The following SORCS3 variants were observed in gnomAD, a reference collection of about 807,000 sequenced individuals.
The protein encoded by SORCS3 is sortilin related VPS10 domain containing receptor 3.
A neutral mutation model predicts 146.3 loss-of-function variants in SORCS3; 57 were observed. The observed-to-expected ratio is 0.39, with a 90% CI of 0.31 to 0.49. SORCS3 has a LOEUF of 0.49. Among genes scored for constraint, SORCS3 ranks in the 20% least tolerant of loss-of-function variants. The pLI, the probability that SORCS3 is intolerant of heterozygous loss-of-function variation, is 0.92. For synonymous variants in SORCS3, 653 were observed against 618.5 expected (o/e 1.06, Z -0.83); for missense variants, 1,341 against 1,575.5 (o/e 0.85, Z 2.52).
chr10:105,252,645 G>A, intron 22 of SORCS3, 130 bp from the exon 23 acceptor site: 1 of 1,081,630 alleles, frequency 9.2e-7, no homozygotes, highest in South Asian at 1.4e-5. Flanking sequence ...ATGTATATTG[G>A]AGCCTGTGCC....
intron 2 of SORCS3, among the ~76,000 whole-genome samples, chr10:104,884,151 A>G (rs1201570943): frequency 6.6e-6 from 1 of 152,244 alleles, no homozygotes; most frequent in Admixed American, 6.5e-5. Context: ...ACTTCTTGGC[A>G]GGCCAAGTCA....
At chr10:105,110,593 G>A in intron 7 of SORCS3, among the ~76,000 whole-genome samples, 1 of 152,010 alleles carries the variant, frequency 6.6e-6, no homozygotes, top group East Asian at 1.9e-4. Flanking sequence ...TCTCACTGAG[G>A]TTCTGTATGA....
At chr10:104,761,787 C>T (rs927291447) in intron 1 of SORCS3, among the ~76,000 whole-genome samples, 1 of 152,040 alleles carries the variant, frequency 6.6e-6, no homozygotes, top group Non-Finnish European at 1.5e-5. Flanking sequence ...TTAGGTACTG[C>T]CTGTAAAGCG....
intron 1 of SORCS3, among the ~76,000 whole-genome samples, chr10:104,832,830 A>G (rs1469997916): frequency 6.6e-6 from 1 of 152,228 alleles, no homozygotes; most frequent in Non-Finnish European, 1.5e-5. Context: ...CAGAGCCCCA[A>G]GTTGTGGGGA....
chr10:105,109,050 A>G (rs1486765937), intron 7 of SORCS3, among the ~76,000 whole-genome samples: 1 of 152,094 alleles, frequency 6.6e-6, no homozygotes, highest in Non-Finnish European at 1.5e-5. Context: ...GAGTATTTGT[A>G]TTTTTGTTCT....
intron 1 of SORCS3, among the ~76,000 whole-genome samples, chr10:104,722,930 C>G (rs1384194886): frequency 6.6e-6 from 1 of 152,168 alleles, no homozygotes; most frequent in Non-Finnish European, 1.5e-5. Context: ...AAAAAACCAG[C>G]TCCTGTATTC....
chr10:104,959,362 C>T (rs1564722547), intron 3 of SORCS3, among the ~76,000 whole-genome samples: 2 of 152,040 alleles, frequency 1.3e-5, no homozygotes, highest in Non-Finnish European at 2.9e-5. Context: ...GGGAAGAGCC[C>T]TCATGAATGG....
chr10:105,018,884 T>A (rs1281914876), intron 4 of SORCS3, among the ~76,000 whole-genome samples: 1 of 152,200 alleles, frequency 6.6e-6, no homozygotes, highest in Non-Finnish European at 1.5e-5. Flanking sequence ...CCACATCATC[T>A]GCCAAACTCC....
intron 1 of SORCS3, among the ~76,000 whole-genome samples, chr10:104,739,698 C>G (rs2016818204): frequency 6.6e-6 from 1 of 152,164 alleles, no homozygotes; most frequent in South Asian, 2.1e-4. Flanking sequence ...TCTGAAGATC[C>G]CCAGCATGTC....
intron 3 of SORCS3, among the ~76,000 whole-genome samples, chr10:104,945,571 T>C (rs2019362173): frequency 6.6e-6 from 1 of 151,646 alleles, no homozygotes; most frequent in Admixed American, 6.6e-5. Context: ...ATGTTCTTTT[T>C]TTTTTTTTTT....
chr10:105,179,324 A>C (rs12240703), intron 14 of SORCS3, among the ~76,000 whole-genome samples: 36,604 of 152,012 alleles, frequency 0.24, 4,454 homozygotes, highest in East Asian at 0.33. Context: ...TTTTTTTCTC[A>C]GCTTCAGATG....
chr10:104,764,517 C>G lies in SORCS3; in HGVS notation c.628-78275C>G, dbSNP rs561245302. The stretch of plus-strand genomic sequence containing the variant: ...AGAAAAGATTTACAAACCATTAAAA[C>G]TAATAAGAATTTTATGCTTTACACA... On this transcript the variant is annotated intron_variant, in intron 1 of 26. Transcript: ENST00000369701. 7.2e-5 allele frequency among the ~76,000 whole-genome samples: 11 copies of G among 152,300 alleles called. No individual in the cohort carries two copies. In the South Asian group the frequency reaches 2.3e-3, roughly 32 times the overall value.
intron 4 of SORCS3, among the ~76,000 whole-genome samples, chr10:105,009,298 G>T (rs1424932439): frequency 6.6e-6 from 1 of 152,078 alleles, no homozygotes. Context: ...GTGGTAGAAA[G>T]AATTCAAGAA....
At chr10:104,837,681 G>A (rs545723335) in intron 1 of SORCS3, among the ~76,000 whole-genome samples, 1 of 152,230 alleles carries the variant, frequency 6.6e-6, no homozygotes, top group Admixed American at 6.5e-5. Flanking sequence ...TTACCCCTGG[G>A]CCTTGAGCTC....
chr10:105,241,887 A>G (rs2056825556), intron 20 of SORCS3, among the ~76,000 whole-genome samples: 1 of 152,160 alleles, frequency 6.6e-6, no homozygotes, highest in South Asian at 2.1e-4. Context: ...AGTGTAGAAA[A>G]CCAACTAGGA....
chr10:104,914,754 G>A (rs543426488), intron 2 of SORCS3, among the ~76,000 whole-genome samples: 1 of 152,222 alleles, frequency 6.6e-6, no homozygotes, highest in Non-Finnish European at 1.5e-5. Context: ...GCAAAGGCTG[G>A]GGGTGGTGGT....
chr10:104,977,246 A>G, intron 3 of SORCS3, 89 bp from the exon 4 acceptor site: 1 of 1,117,292 alleles, frequency 9.0e-7, no homozygotes, highest in East Asian at 2.7e-5. Context: ...ATGGTGTACA[A>G]ATACAGATGA....
chr10:104,886,520 A>G (rs551276899), intron 2 of SORCS3, among the ~76,000 whole-genome samples: 2 of 152,050 alleles, frequency 1.3e-5, no homozygotes, highest in East Asian at 3.9e-4. Context: ...ATTACGTAAA[A>G]TATATACAGT....
At chr10:104,982,315 G>A (rs2054935795) in intron 4 of SORCS3, among the ~76,000 whole-genome samples, 1 of 152,192 alleles carries the variant, frequency 6.6e-6, no homozygotes, top group African/African-American at 2.4e-5. Flanking sequence ...CTTCTGGAAT[G>A]CTGGATCCAA....
Sources: allele counts gnomAD v4.1 joint callset (sites outside exome capture counted in the v4.1 genomes callset), GRCh38; gene constraint gnomAD v4.1.1; transcripts MANE v1.5; gene names NCBI Gene and HGNC (gene_info 2026-07-23, HGNC 2026-07-21).